LRRIQ3: variants seen among roughly 807,000 people sequenced by gnomAD.
LRRIQ3 encodes the protein leucine-rich repeat and IQ domain-containing protein 3.
Under a neutral mutation model 59.3 loss-of-function variants are expected in LRRIQ3, and 75 were observed. That is an observed-to-expected ratio of 1.26 (90% confidence interval 1.05 to 1.53). The LOEUF (loss-of-function observed/expected upper bound fraction) is 1.53. Ranked by LOEUF, LRRIQ3 falls within the 40% of genes most tolerant of loss-of-function variation. LRRIQ3 has a pLI of 0.00. For synonymous variants in LRRIQ3, 250 were observed against 231.3 expected (o/e 1.08, Z -0.73); for missense variants, 831 against 710.0 (o/e 1.17, Z -1.94).
intron 7 of LRRIQ3, among the ~76,000 whole-genome samples, chr1:74,034,722 T>A (rs1481045806): frequency 2.0e-5 from 3 of 151,808 alleles, no homozygotes; most frequent in Non-Finnish European, 4.4e-5. Flanking sequence ...ATAAATAGTA[T>A]TTTTCATACG....
At chr1:74,116,727 C>G (rs1006216736) in intron 4 of LRRIQ3, among the ~76,000 whole-genome samples, 8 of 151,890 alleles carry the variant, frequency 5.3e-5, no homozygotes, top group Non-Finnish European at 1.2e-4. Flanking sequence ...GTTTAGAATG[C>G]TTTAAAAGTA....
chr1:74,073,251 G>A (rs1014620545), intron 6 of LRRIQ3, among the ~76,000 whole-genome samples: 4 of 151,978 alleles, frequency 2.6e-5, no homozygotes, highest in East Asian at 1.9e-4. Context: ...GGTGGCTCAC[G>A]CTTATAATCC....
intron 5 of LRRIQ3, 64 bp from the exon 6 acceptor site, chr1:74,074,854 G>T: frequency 7.5e-6 from 6 of 798,096 alleles, no homozygotes. Flanking sequence ...GTTCTTCAAG[G>T]GTTTTCACAT....
At chr1:74,194,769 T>G (rs11210430) in intron 1 of LRRIQ3, among the ~76,000 whole-genome samples, 46,138 of 152,050 alleles carry the variant, frequency 0.3, 7,988 homozygotes, top group Middle Eastern at 0.43. Flanking sequence ...CCCAAAACAT[T>G]CCTTGGTTAG....
intron 6 of LRRIQ3, among the ~76,000 whole-genome samples, chr1:74,051,169 A>G (rs537640835): frequency 4.6e-5 from 7 of 152,286 alleles, no homozygotes; most frequent in African/African-American, 1.2e-4. Flanking sequence ...TATATTCTAC[A>G]TGGGAAAATT....
At chr1:74,093,834 T>G (rs568496018) in intron 5 of LRRIQ3, among the ~76,000 whole-genome samples, 3 of 152,186 alleles carry the variant, frequency 2.0e-5, no homozygotes, top group African/African-American at 7.2e-5. Flanking sequence ...GCCAAATACT[T>G]CCCTTCATGA....
chr1:74,087,315 A>G (rs1341273519), intron 5 of LRRIQ3, among the ~76,000 whole-genome samples: 7 of 149,742 alleles, frequency 4.7e-5, no homozygotes, highest in South Asian at 2.1e-4. Context: ...AGTTTTGATC[A>G]TATAGTTTTC....
chr1:74,114,284 C>G (rs1646747363), intron 4 of LRRIQ3, among the ~76,000 whole-genome samples: 1 of 151,956 alleles, frequency 6.6e-6, no homozygotes. Context: ...ATTATAGTCA[C>G]AAACTGTCGG....
At chr1:74,048,566 C>T (rs1166536397) in intron 6 of LRRIQ3, among the ~76,000 whole-genome samples, 2 of 152,174 alleles carry the variant, frequency 1.3e-5, no homozygotes, top group Non-Finnish European at 2.9e-5. Context: ...ATTCATCTAT[C>T]TATCCTTCCA....
At chr1:74,154,025 A>C (rs1648149716) in intron 4 of LRRIQ3, among the ~76,000 whole-genome samples, 1 of 151,944 alleles carries the variant, frequency 6.6e-6, no homozygotes, top group South Asian at 2.1e-4. Flanking sequence ...GCGGATCACG[A>C]GGTCAGGAGA....
At chr1:74,030,952 G>A (rs1220165850) in intron 7 of LRRIQ3, among the ~76,000 whole-genome samples, 2 of 152,074 alleles carry the variant, frequency 1.3e-5, no homozygotes, top group Non-Finnish European at 2.9e-5. Flanking sequence ...GTGGGCAAAG[G>A]ATATAAACAG....
chr1:74,132,565 T>A (rs139076388), intron 4 of LRRIQ3, among the ~76,000 whole-genome samples: 46,077 of 151,826 alleles, frequency 0.3, 7,761 homozygotes, highest in Middle Eastern at 0.45. Flanking sequence ...ATACCACACA[T>A]CTACAACCAT....
At position 74,146,268 on chromosome 1, in the gene LRRIQ3, G is replaced by T. The variant is rs112390917; in HGVS notation, c.707+9465C>A. Among the ~76,000 whole-genome samples, 254 of 152,016 alleles carry T rather than the reference G, an allele frequency of 1.7e-3. 2 individuals carry two copies. Among genetic ancestry groups the T allele is most frequent in the African/African-American group, 5.7e-3 (236 of 41,468 alleles). ...TATTTCAGCAAAAATAATCTATTAG[G>T]AATAAAATAATTATGTTATTTATAA... On this transcript the variant is annotated intron_variant, in intron 4 of 7. Coordinates refer to ENST00000354431, the MANE Select transcript of LRRIQ3 (RefSeq NM_001105659.2).
At chr1:74,107,291 T>G (rs1570125301) in intron 5 of LRRIQ3, among the ~76,000 whole-genome samples, 1 of 152,174 alleles carries the variant, frequency 6.6e-6, no homozygotes, top group Admixed American at 6.6e-5. Flanking sequence ...TGTATTGTTT[T>G]GCTCATGGCA....
chr1:74,183,502 A>T lies in LRRIQ3; in HGVS notation c.183T>A (p.Phe61Leu). Reference protein sequence around the residue: ...SLRVCIFSNNFITDIHPLQSC... With the variant: ...SLRVCIFSNNLITDIHPLQSC... ...TTTGAAGTGGATGAATATCTGTAAT[A>T]AAATTGTTTGAGAAGATGCATACTC... The change falls in exon 2 of 8, where the codon TTT becomes TTA. Residue 61 changes from phenylalanine (F) to leucine (L), a missense_variant. Phe to Leu is a conservative substitution (Grantham distance 22, BLOSUM62 0). Coordinates refer to ENST00000354431, the MANE Select transcript of LRRIQ3 (RefSeq NM_001105659.2). 1 of 1,611,072 alleles carries T rather than the reference A, an allele frequency of 6.2e-7. No individual in the cohort carries two copies. The highest frequency in any genetic ancestry group is 1.1e-5 in the South Asian group (1 of 90,724).
At chr1:74,120,748 T>C (rs1387728557) in intron 4 of LRRIQ3, among the ~76,000 whole-genome samples, 1 of 152,024 alleles carries the variant, frequency 6.6e-6, no homozygotes, top group Non-Finnish European at 1.5e-5. Flanking sequence ...AATAGCTCAG[T>C]CTTTTAAAAT....
At chr1:74,187,483 G>C (rs1650478622) in intron 1 of LRRIQ3, among the ~76,000 whole-genome samples, 1 of 151,926 alleles carries the variant, frequency 6.6e-6, no homozygotes, top group Non-Finnish European at 1.5e-5. Flanking sequence ...AGTAACTCAG[G>C]AATGGAAAAC....
chr1:74,060,272 T>TCTCTTCCTCCTCCTCCTCTTCCTC (rs1654681647), intron 6 of LRRIQ3, among the ~76,000 whole-genome samples: 1 of 141,066 alleles, frequency 7.1e-6, no homozygotes, highest in African/African-American at 2.7e-5. Flanking sequence ...TCCTCTTCTT[T>TCTCTTCCTCCTCCTCCTCTTCCTC]CTCTTCCTCC....
At chr1:74,121,842 T>G (rs938029257) in intron 4 of LRRIQ3, among the ~76,000 whole-genome samples, 1 of 151,332 alleles carries the variant, frequency 6.6e-6, no homozygotes, top group African/African-American at 2.4e-5. Context: ...TTTTTGGTTT[T>G]TTGTCCTTGC....
Sources: allele counts gnomAD v4.1 joint callset (sites outside exome capture counted in the v4.1 genomes callset), GRCh38; gene constraint gnomAD v4.1.1; transcripts MANE v1.5; gene names NCBI Gene and HGNC (gene_info 2026-07-23, HGNC 2026-07-21).